Variants in MAML2 observed in about 807,000 individuals in gnomAD.
MAML2 encodes the protein mastermind-like protein 2.
Under a neutral mutation model 96.1 loss-of-function variants are expected in MAML2, and 22 were observed. The ratio of observed to expected loss-of-function variants is 0.23; its 90% CI spans 0.16 to 0.33. The LOEUF (loss-of-function observed/expected upper bound fraction) is 0.33, where lower values mean the gene tolerates loss of function less well. Ranked by LOEUF, MAML2 falls within the 10% of genes least tolerant of loss-of-function variation. The probability of loss-of-function intolerance (pLI) is 1.00; values close to 1 mark genes in which losing one functional copy is unlikely to be tolerated. For synonymous variants in MAML2, 561 were observed against 521.3 expected (o/e 1.08, Z -1.04); for missense variants, 1,367 against 1,392.4 (o/e 0.98, Z 0.29).
chr11:96,194,371 C>G (rs764954400), intron 1 of MAML2, among the ~76,000 whole-genome samples: 2 of 152,160 alleles, frequency 1.3e-5, no homozygotes, highest in Non-Finnish European at 2.9e-5. Context: ...GTTTAGAGAA[C>G]TCTCCAGATA....
chr11:96,192,557 T>C (rs1292139561), intron 1 of MAML2, among the ~76,000 whole-genome samples: 1 of 152,236 alleles, frequency 6.6e-6, no homozygotes, highest in Non-Finnish European at 1.5e-5. Flanking sequence ...AATTTTGATA[T>C]TTTATAATCA....
At chr11:96,310,751 C>A (rs905895565) in intron 1 of MAML2, among the ~76,000 whole-genome samples, 31 of 152,208 alleles carry the variant, frequency 2.0e-4, no homozygotes, top group Non-Finnish European at 3.4e-4. Flanking sequence ...GCCTCAGTCT[C>A]CCCAGGTGTA....
intron 1 of MAML2, among the ~76,000 whole-genome samples, chr11:96,227,693 T>G (rs1219680872): frequency 1.3e-5 from 2 of 152,234 alleles, no homozygotes; most frequent in African/African-American, 4.8e-5. Context: ...ATGGTTGTTG[T>G]AAGTTTAAAT....
intron 2 of MAML2, among the ~76,000 whole-genome samples, chr11:96,068,915 C>CT (rs71040128): frequency 0.015 from 1,614 of 106,496 alleles, 34 homozygotes; most frequent in South Asian, 0.047. Flanking sequence ...TTCTTCCCTC[C>CT]TTTTTTTTTT....
chr11:96,200,393 C>T (rs1218667117), intron 1 of MAML2, among the ~76,000 whole-genome samples: 1 of 152,152 alleles, frequency 6.6e-6, no homozygotes, highest in East Asian at 1.9e-4. Flanking sequence ...TCAGAGTAAA[C>T]ACAATTCTTC....
At chr11:96,193,496 T>G (rs1004738013) in intron 1 of MAML2, among the ~76,000 whole-genome samples, 4 of 152,226 alleles carry the variant, frequency 2.6e-5, no homozygotes, top group Non-Finnish European at 4.4e-5. Flanking sequence ...GTTAAAGATA[T>G]GCTGATAGAT....
chr11:96,065,720 T>C (rs1859233638), intron 2 of MAML2, among the ~76,000 whole-genome samples: 1 of 152,232 alleles, frequency 6.6e-6, no homozygotes, highest in Admixed American at 6.5e-5. Flanking sequence ...TTTACAGTGA[T>C]GGAACACAGA....
intron 2 of MAML2, among the ~76,000 whole-genome samples, chr11:96,066,515 CACTT>C (rs372041533): frequency 1.3e-5 from 2 of 152,166 alleles, no homozygotes; most frequent in African/African-American, 4.8e-5. Context: ...TATATTTAGA[CACTT>C]ACTCTATATT....
chr11:96,032,240 A>T (rs573685332), intron 2 of MAML2, among the ~76,000 whole-genome samples: 2 of 152,172 alleles, frequency 1.3e-5, no homozygotes, highest in South Asian at 4.2e-4. Context: ...TTAAATATAC[A>T]CTTACCATAT....
At chr11:96,160,407 A>C (rs1490089966) in intron 1 of MAML2, among the ~76,000 whole-genome samples, 1 of 149,664 alleles carries the variant, frequency 6.7e-6, no homozygotes, top group Non-Finnish European at 1.5e-5. Context: ...AAATAGGTTG[A>C]CCGAAGTCTC....
intron 2 of MAML2, among the ~76,000 whole-genome samples, chr11:95,998,174 G>GTCTGTCTGTCTGTCTATCTA (rs139615820): frequency 0.061 from 8,980 of 147,530 alleles, 360 homozygotes; most frequent in South Asian, 0.14. Context: ...CTGTCTGTCT[G>GTCTGTCTGTCTGTCTATCTA]TCTATCTATC....
chr11:96,079,363 G>T (rs933692342), intron 2 of MAML2, among the ~76,000 whole-genome samples: 2 of 152,130 alleles, frequency 1.3e-5, no homozygotes, highest in African/African-American at 4.8e-5. Flanking sequence ...TCTGACATTG[G>T]ATTAAACACA....
intron 2 of MAML2, among the ~76,000 whole-genome samples, chr11:96,007,769 C>T (rs1277873789): frequency 2.0e-5 from 3 of 150,820 alleles, no homozygotes; most frequent in Non-Finnish European, 4.4e-5. Context: ...AGTAAACTAT[C>T]GCAAGAACAA....
chr11:96,329,566 A>G (rs916322809), intron 1 of MAML2, among the ~76,000 whole-genome samples: 3 of 152,232 alleles, frequency 2.0e-5, no homozygotes, highest in Non-Finnish European at 4.4e-5. Flanking sequence ...TACAAGCCAC[A>G]TACCAAGTGC....
At chr11:96,208,151 T>C (rs1271955803) in intron 1 of MAML2, among the ~76,000 whole-genome samples, 2 of 152,248 alleles carry the variant, frequency 1.3e-5, no homozygotes, top group Non-Finnish European at 2.9e-5. Flanking sequence ...TACTGTATTC[T>C]CAAGTACTAT....
At chr11:96,314,904 C>T (rs528220086) in intron 1 of MAML2, among the ~76,000 whole-genome samples, 3 of 152,270 alleles carry the variant, frequency 2.0e-5, no homozygotes, top group African/African-American at 4.8e-5. Context: ...GCATTCTGAA[C>T]GGGAAGCTGG....
intron 1 of MAML2, among the ~76,000 whole-genome samples, chr11:96,104,308 G>A (rs1393575363): frequency 6.6e-6 from 1 of 152,174 alleles, no homozygotes; most frequent in Admixed American, 6.5e-5. Context: ...ATAAAAATGT[G>A]TAGAAGAAAA....
Position 96,280,044 on chromosome 11 carries a change from A to C in MAML2, c.513+61339T>G, listed in dbSNP as rs538943950. Among the ~76,000 whole-genome samples the C allele has an allele frequency of 3.9e-5, 6 of 152,278 alleles. No individual in the cohort carries two copies. In the East Asian group the frequency reaches 9.6e-4, roughly 24 times the overall value. On this transcript the variant is annotated intron_variant, in intron 1 of 4. Coordinates refer to ENST00000524717, the MANE Select transcript of MAML2 (RefSeq NM_032427.4). Reference sequence around the variant, plus strand: ...TGGCATGTATAAAATATATTTTTATATAGCTCCATATAGAGATATAGCTCT... The same window carrying C: ...TGGCATGTATAAAATATATTTTTATCTAGCTCCATATAGAGATATAGCTCT...
At chr11:96,189,789 A>C (rs938873901) in intron 1 of MAML2, among the ~76,000 whole-genome samples, 4 of 152,246 alleles carry the variant, frequency 2.6e-5, no homozygotes, top group African/African-American at 9.6e-5. Context: ...CATTCAGAAA[A>C]GAATCCATCA....
Sources: gnomAD v4.1 joint callset for allele counts (sites outside exome capture counted in the v4.1 genomes callset) on GRCh38, gnomAD v4.1.1 for gene constraint, MANE v1.5 for transcripts, NCBI Gene and HGNC (gene_info 2026-07-23, HGNC 2026-07-21) for gene names.